STPG2: variants seen among roughly 807,000 people sequenced by gnomAD.
STPG2 encodes the protein sperm-tail PG-rich repeat-containing protein 2.
STPG2 carries 56 observed loss-of-function variants against 54.2 expected under a neutral mutation model. The ratio of observed to expected loss-of-function variants is 1.03; its 90% confidence interval spans 0.83 to 1.29. The LOEUF (loss-of-function observed/expected upper bound fraction) is 1.29, where lower values mean the gene tolerates loss of function less well. Among genes scored for constraint, STPG2 ranks in the 50% most tolerant of loss-of-function variants. The pLI, the probability that STPG2 is intolerant of heterozygous loss-of-function variation, is 0.00. For synonymous variants in STPG2, 200 were observed against 181.8 expected (o/e 1.10, Z -0.81); for missense variants, 596 against 544.9 (o/e 1.09, Z -0.93).
intron 3 of STPG2, among the ~76,000 whole-genome samples, chr4:98,109,688 C>T (rs1739290741): frequency 6.6e-6 from 1 of 152,078 alleles, no homozygotes; most frequent in Admixed American, 6.6e-5. Flanking sequence ...TAAAAATTAC[C>T]TTAACTAAAC....
At chr4:97,850,396 T>C (rs565087275) in intron 8 of STPG2, among the ~76,000 whole-genome samples, 34 of 151,674 alleles carry the variant, frequency 2.2e-4, no homozygotes, top group Non-Finnish European at 4.1e-4. Context: ...ACTTAATGTA[T>C]ACTTCTTATG....
chr4:98,064,711 G>C (rs559342843), intron 5 of STPG2, among the ~76,000 whole-genome samples: 3 of 152,034 alleles, frequency 2.0e-5, no homozygotes, highest in African/African-American at 7.2e-5. Flanking sequence ...TAAATTCAGC[G>C]GTATATTGTC....
intron 5 of STPG2, among the ~76,000 whole-genome samples, chr4:98,100,128 T>C (rs1196336475): frequency 6.6e-6 from 1 of 152,048 alleles, no homozygotes; most frequent in Non-Finnish European, 1.5e-5. Context: ...GCTTAGGCAA[T>C]AGGATAAATA....
intron 3 of STPG2, among the ~76,000 whole-genome samples, chr4:98,118,800 T>C (rs1739592033): frequency 2.0e-5 from 3 of 152,098 alleles, no homozygotes; most frequent in Admixed American, 6.6e-5. Flanking sequence ...GATATGAACA[T>C]GTCAAAAGGA....
intron 7 of STPG2, among the ~76,000 whole-genome samples, chr4:97,949,930 T>G (rs1733403349): frequency 6.6e-6 from 1 of 152,156 alleles, no homozygotes; most frequent in South Asian, 2.1e-4. Context: ...GTTCTTTGAC[T>G]TTCTTGTATT....
intron 4 of STPG2, among the ~76,000 whole-genome samples, chr4:97,462,345 A>G (rs537745273): frequency 1.3e-5 from 2 of 152,036 alleles, no homozygotes; most frequent in South Asian, 4.1e-4. Context: ...TAAATTCTCT[A>G]AGCTATTTTC....
Position 97,999,290 on chromosome 4 carries a change from T to C in STPG2, c.613-17972A>G, listed in dbSNP as rs190113595. ...TTGCAAGTGGTTGGGACAGATAGTATTGGTTTCTAGCACAATCCTAGTTAC... is the reference window on the plus strand; with the variant it reads ...TTGCAAGTGGTTGGGACAGATAGTACTGGTTTCTAGCACAATCCTAGTTAC... On this transcript the variant is annotated intron_variant, in intron 5 of 10. Transcript: ENST00000295268. Among the ~76,000 whole-genome samples the C allele has an allele frequency of 4.2e-3, 644 of 152,356 alleles. 3 individuals carry two copies. Among genetic ancestry groups the C allele is most frequent in the South Asian group, 0.024 (117 of 4,824 alleles).
intron 7 of STPG2, among the ~76,000 whole-genome samples, chr4:97,957,842 T>C (rs1054351815): frequency 1.3e-5 from 2 of 152,116 alleles, no homozygotes; most frequent in Non-Finnish European, 2.9e-5. Flanking sequence ...GAAGGAAACA[T>C]ACAACCTTTT....
intron 5 of STPG2, among the ~76,000 whole-genome samples, chr4:98,045,937 C>T (rs1737110848): frequency 1.7e-5 from 1 of 60,074 alleles, no homozygotes; most frequent in Admixed American, 1.3e-4. Context: ...TTTGAATAAG[C>T]TTTCTATCCC....
intron 4 of STPG2, among the ~76,000 whole-genome samples, chr4:97,537,148 C>T (rs1241257847): frequency 1.3e-5 from 2 of 152,160 alleles, no homozygotes; most frequent in Non-Finnish European, 2.9e-5. Flanking sequence ...TTCTGTATTT[C>T]CAACTGAGGT....
chr4:97,873,363 A>G (rs1730059333), intron 8 of STPG2, among the ~76,000 whole-genome samples: 1 of 151,342 alleles, frequency 6.6e-6, no homozygotes, highest in South Asian at 2.1e-4. Context: ...AACCTAAACC[A>G]CTGTGAAAAC....
At chr4:98,071,901 A>C (rs568494767) in intron 5 of STPG2, among the ~76,000 whole-genome samples, 1 of 152,174 alleles carries the variant, frequency 6.6e-6, no homozygotes, top group Non-Finnish European at 1.5e-5. Flanking sequence ...AAAAAGTCAA[A>C]AAAACAACAG....
At chr4:97,910,278 G>C (rs1731628360) in intron 8 of STPG2, among the ~76,000 whole-genome samples, 1 of 152,230 alleles carries the variant, frequency 6.6e-6, no homozygotes, top group Admixed American at 6.5e-5. Flanking sequence ...GCAGCACCTT[G>C]CCTCTTCCCA....
At chr4:97,460,870 G>C (rs150081188) in intron 4 of STPG2, among the ~76,000 whole-genome samples, 68 of 152,284 alleles carry the variant, frequency 4.5e-4, no homozygotes, top group Non-Finnish European at 6.8e-4. Context: ...GAATCACACA[G>C]AAAATTTGCT....
chr4:97,553,534 C>CTT (rs1363520226), intron 4 of STPG2, among the ~76,000 whole-genome samples: 1 of 152,126 alleles, frequency 6.6e-6, no homozygotes, highest in Non-Finnish European at 1.5e-5. Context: ...TATGAGTCTC[C>CTT]TTTTCTATTT....
intron 8 of STPG2, among the ~76,000 whole-genome samples, chr4:97,872,595 A>G (rs1433559488): frequency 6.6e-6 from 1 of 151,330 alleles, no homozygotes; most frequent in African/African-American, 2.4e-5. Flanking sequence ...AAAAATTAAA[A>G]TATTTCTGAA....
At chr4:97,559,521 A>T (rs913130456) in intron 10 of STPG2, among the ~76,000 whole-genome samples, 1 of 152,178 alleles carries the variant, frequency 6.6e-6, no homozygotes, top group Non-Finnish European at 1.5e-5. Context: ...TTTCAAGTCA[A>T]ACCTTTCTAC....
chr4:98,092,072 A>C (rs1311862128), intron 5 of STPG2, among the ~76,000 whole-genome samples: 2 of 152,098 alleles, frequency 1.3e-5, no homozygotes, highest in South Asian at 2.1e-4. Flanking sequence ...ACTATTTTAC[A>C]ATAAGACTTG....
chr4:97,839,512 A>T (rs1728735746), intron 9 of STPG2, among the ~76,000 whole-genome samples: 1 of 151,626 alleles, frequency 6.6e-6, no homozygotes, highest in Admixed American at 6.6e-5. Flanking sequence ...TTCTTATTTA[A>T]TTGATTGTGC....
Sources: allele counts gnomAD v4.1 joint callset (sites outside exome capture counted in the v4.1 genomes callset), GRCh38; gene constraint gnomAD v4.1.1; transcripts MANE v1.5; gene names NCBI Gene and HGNC (gene_info 2026-07-23, HGNC 2026-07-21).